The following WDR44 variants were observed in gnomAD, a reference collection of about 807,000 sequenced individuals.
The protein encoded by WDR44 is WD repeat domain 44, also known as WD repeat-containing protein 44.
WDR44 carries 9 observed loss-of-function variants against 65.7 expected under a neutral mutation model. The ratio of observed to expected loss-of-function variants is 0.14; its 90% CI spans 0.08 to 0.24. WDR44 has a LOEUF of 0.24. WDR44 is among the 10% of genes least tolerant of loss of function. The probability of loss-of-function intolerance (pLI) is 1.00; values close to 1 mark genes in which losing one functional copy is unlikely to be tolerated. For synonymous variants in WDR44, 220 were observed against 235.2 expected, an observed-to-expected ratio of 0.94 and a Z score of 0.59; for missense variants, 425 against 670.9, an observed-to-expected ratio of 0.63 and a Z score of 4.05.
intron 6 of WDR44, among the ~76,000 whole-genome samples, chrX:118,396,208 T>G (rs1362722825): frequency 8.9e-6 from 1 of 111,840 alleles, no homozygotes; most frequent in Non-Finnish European, 1.9e-5. Flanking sequence ...TTTAAAACAA[T>G]ACATTTCTTA....
chrX:118,418,961 C>CG (rs1461637074), intron 12 of WDR44, among the ~76,000 whole-genome samples: 1 of 110,228 alleles, frequency 9.1e-6, no homozygotes, highest in African/African-American at 3.3e-5. Context: ...GTCAGGGAAG[C>CG]GGGGGAAAGC....
chrX:118,435,151 AGTCTTAACAT>A (rs775245902), intron 13 of WDR44, among the ~76,000 whole-genome samples: 168 of 112,791 alleles, frequency 1.5e-3, no homozygotes, highest in African/African-American at 5.1e-3. Flanking sequence ...ATTTGGAACA[AGTCTTAACAT>A]GTCTTCAGCA....
chrX:118,439,681 C>T lies in WDR44; in HGVS notation c.1975-1687C>T, dbSNP rs149961914. Among the ~76,000 whole-genome samples, 724 of 111,264 alleles carry T rather than the reference C, an allele frequency of 6.5e-3. 4 individuals are homozygous for T. Among genetic ancestry groups the T allele is most frequent in the Non-Finnish European group, 0.011 (577 of 53,044 alleles). ...AAGTATTTTTACTTGTTCACCTCTTCTACTGGTACACATTGAGTGAGCTTA... is the reference window on the plus strand; with the variant it reads ...AAGTATTTTTACTTGTTCACCTCTTTTACTGGTACACATTGAGTGAGCTTA... On this transcript the variant is annotated intron_variant, in intron 14 of 19. Coordinates refer to ENST00000254029, the MANE Select transcript of WDR44 (RefSeq NM_019045.5).
At chrX:118,367,029 T>C (rs1238030756) in intron 1 of WDR44, among the ~76,000 whole-genome samples, 1 of 106,832 alleles carries the variant, frequency 9.4e-6, no homozygotes, top group Admixed American at 1.0e-4. Context: ...GAGCTTGCGG[T>C]AAGCCGAGAT....
At chrX:118,414,454 G>C (rs969802290) in intron 12 of WDR44, among the ~76,000 whole-genome samples, 4 of 109,931 alleles carry the variant, frequency 3.6e-5, no homozygotes, top group Non-Finnish European at 7.6e-5. Flanking sequence ...AAGAAAATGT[G>C]GCAGATTGCT....
intron 19 of WDR44, 66 bp from the exon 20 acceptor site, chrX:118,448,827 T>A (rs758373446): frequency 7.9e-6 from 6 of 757,103 alleles, no homozygotes; most frequent in Non-Finnish European, 1.1e-5. Context: ...GGGCATGTGA[T>A]AATTGTGGCA....
At chrX:118,427,036 A>G (rs535579314) in intron 12 of WDR44, among the ~76,000 whole-genome samples, 2 of 111,948 alleles carry the variant, frequency 1.8e-5, no homozygotes, top group East Asian at 5.6e-4. Flanking sequence ...AATAAAACAT[A>G]AAGTGAAGAA....
At position 118,449,270 on chromosome X, in the gene WDR44, T is replaced by A. The variant is rs1035850227; in HGVS notation, c.*283T>A. On this transcript the variant is annotated 3_prime_UTR_variant, in exon 20 of 20. Transcript: ENST00000254029. ...ATGCACAAGTTTCTGCATGAAAAGA[T>A]ATTAATATATTAATCACATGTATGT... is the stretch of plus-strand genomic sequence containing the variant. The A allele has an allele frequency of 6.5e-6, 1 of 153,055 alleles. No individual in the cohort carries two copies. Among genetic ancestry groups the A allele is most frequent in the African/African-American group, 3.1e-5 (1 of 32,543 alleles). 12.6% of individuals were successfully genotyped at this position (153,055 alleles called of 1,213,427 possible).
rs1335941501 is a variant in WDR44 at position 118,378,737 on chromosome X, G to GTGTGTGTGTGTGTGTGT, written c.111+285_111+286insTGTGTGTGTGTGTGTGT. On this transcript the variant is annotated intron_variant, in intron 2 of 19. Transcript: ENST00000254029. ...GTGTGTGTGTGTGTGTGTGTGTGTT[G>GTGTGTGTGTGTGTGTGT]AAAAAGTGATACTTGGCCAGGCATG... 5.0e-5 allele frequency among the ~76,000 whole-genome samples: 3 copies of GTGTGTGTGTGTGTGTGT among 60,522 alleles called. No individual in the cohort carries two copies. In the African/African-American group the frequency reaches 6.1e-4, roughly 12 times the overall value. The allele number at this position is 60,522 out of a possible 115,157, so 52.6% of individuals were successfully genotyped here. A position where few individuals can be genotyped will look rare whatever the true frequency, so the allele number is the denominator to read the frequency against.
At chrX:118,403,328 C>T (rs1464606383) in intron 8 of WDR44, among the ~76,000 whole-genome samples, 1 of 111,314 alleles carries the variant, frequency 9.0e-6, no homozygotes. Context: ...TGATCTGAGA[C>T]CTAAAAAGTG....
At chrX:118,375,647 C>T (rs1178183088) in intron 1 of WDR44, among the ~76,000 whole-genome samples, 1 of 110,996 alleles carries the variant, frequency 9.0e-6, no homozygotes, top group African/African-American at 3.3e-5. Flanking sequence ...TATGGATTAG[C>T]CTCAGTCCTA....
intron 1 of WDR44, among the ~76,000 whole-genome samples, chrX:118,362,391 A>G (rs906861205): frequency 9.0e-6 from 1 of 111,657 alleles, no homozygotes; most frequent in Non-Finnish European, 1.9e-5. Context: ...GAACATGTTG[A>G]CTGAGGACAG....
At chrX:118,436,259 T>C (rs1028828325) in intron 13 of WDR44, among the ~76,000 whole-genome samples, 21 of 112,324 alleles carry the variant, frequency 1.9e-4, no homozygotes, top group Non-Finnish European at 3.6e-4. Flanking sequence ...GGTAATCTTT[T>C]TGAAGACATT....
intron 12 of WDR44, among the ~76,000 whole-genome samples, chrX:118,424,343 A>G (rs865950839): frequency 1.1e-5 from 1 of 91,397 alleles, no homozygotes; most frequent in Non-Finnish European, 2.0e-5. Flanking sequence ...ATATATATAT[A>G]TATATGTATA....
At chrX:118,355,997 T>C (rs1317162686) in intron 1 of WDR44, among the ~76,000 whole-genome samples, 1 of 112,178 alleles carries the variant, frequency 8.9e-6, no homozygotes, top group African/African-American at 3.2e-5. Flanking sequence ...TATCAGTTCC[T>C]TGTTACCAAC....
At position 118,346,622 on chromosome X, in the gene WDR44, C is replaced by T. The variant is rs1476658960; in HGVS notation, c.77+42C>T. On this transcript the variant is annotated intron_variant, in intron 1 of 19. Coordinates refer to ENST00000254029, the MANE Select transcript of WDR44 (RefSeq NM_019045.5). ...ATGACAGGAAGCCGGGCATCCCAAG[C>T]CCCCCGCATCTCCTGTGTCTTCCCC... 4.8e-6 allele frequency: 5 copies of T among 1,033,753 alleles called. No individual in the cohort carries two copies. In the Admixed American group the frequency reaches 7.7e-5, roughly 16 times the overall value. 85.2% of individuals were successfully genotyped at this position (1,033,753 alleles called of 1,213,427 possible).
At chrX:118,399,612 C>T (rs969988959) in intron 8 of WDR44, among the ~76,000 whole-genome samples, 9 of 111,443 alleles carry the variant, frequency 8.1e-5, no homozygotes, top group African/African-American at 2.9e-4. Context: ...CACTAAAGCT[C>T]ATTATTTTTC....
chrX:118,388,704 A>G (rs2056792806), intron 3 of WDR44, among the ~76,000 whole-genome samples: 1 of 112,161 alleles, frequency 8.9e-6, no homozygotes, highest in Non-Finnish European at 1.9e-5. Flanking sequence ...TTAAAAAAAT[A>G]AGAAATTGCC....
At position 118,378,286 on chromosome X, in the gene WDR44, G is replaced by T. The variant is rs928155928; in HGVS notation, c.78-133G>T. 3.3e-5 allele frequency: 17 copies of T among 516,369 alleles called. No individual in the cohort carries two copies. In the African/African-American group the frequency reaches 3.8e-4, roughly 12 times the overall value. The allele number at this position is 516,369 out of a possible 1,213,427, so 42.6% of individuals were successfully genotyped here. A position where few individuals can be genotyped will look rare whatever the true frequency, so the allele number is the denominator to read the frequency against. On this transcript the variant is annotated intron_variant, in intron 1 of 19. Coordinates refer to ENST00000254029, the MANE Select transcript of WDR44 (RefSeq NM_019045.5). Reference sequence around the variant, plus strand: ...ACTTTTTGTTTTCCACATTTTCTACGTGCACACAAGACTTTTCAGTCACAA... The same window carrying T: ...ACTTTTTGTTTTCCACATTTTCTACTTGCACACAAGACTTTTCAGTCACAA...
Sources: gnomAD v4.1 joint callset for allele counts (sites outside exome capture counted in the v4.1 genomes callset) on GRCh38, gnomAD v4.1.1 for gene constraint, MANE v1.5 for transcripts, NCBI Gene and HGNC (gene_info 2026-07-23, HGNC 2026-07-21) for gene names.